The following ZNF704 variants were observed in gnomAD, a reference collection of about 807,000 sequenced individuals.
ZNF704 encodes zinc finger protein 704, also known as glucocorticoid induced gene 1.
A neutral mutation model predicts 44.7 loss-of-function variants in ZNF704; 10 were observed. The observed-to-expected ratio is 0.22, with a 90% confidence interval of 0.14 to 0.38. The LOEUF is 0.38. ZNF704 is among the 10% of genes least tolerant of loss of function. The probability of loss-of-function intolerance (pLI) is 1.00; values close to 1 mark genes in which losing one functional copy is unlikely to be tolerated. For synonymous variants in ZNF704, 211 were observed against 207.6 expected (o/e 1.02, Z -0.14); for missense variants, 390 against 545.5 (o/e 0.71, Z 2.84).
intron 5 of ZNF704, among the ~76,000 whole-genome samples, chr8:80,669,951 A>C (rs1818254081): frequency 6.6e-6 from 1 of 152,276 alleles, no homozygotes; most frequent in Non-Finnish European, 1.5e-5. Context: ...AGCAACAGAA[A>C]GTGATTTCGT....
intron 2 of ZNF704, among the ~76,000 whole-genome samples, chr8:80,767,256 T>C (rs973006535): frequency 6.6e-6 from 1 of 152,162 alleles, no homozygotes; most frequent in African/African-American, 2.4e-5. Context: ...CTTGGTTAAT[T>C]AATAAATATC....
At chr8:80,828,666 G>C (rs919410778) in intron 1 of ZNF704, among the ~76,000 whole-genome samples, 4 of 152,168 alleles carry the variant, frequency 2.6e-5, no homozygotes, top group Non-Finnish European at 5.9e-5. Context: ...AATAGATTTA[G>C]ATTTATAGAA....
chr8:80,775,067 A>T (rs1427992312), intron 2 of ZNF704, among the ~76,000 whole-genome samples: 1 of 152,170 alleles, frequency 6.6e-6, no homozygotes, highest in East Asian at 1.9e-4. Flanking sequence ...AGAAAAAACT[A>T]TGTCTACTCG....
intron 2 of ZNF704, among the ~76,000 whole-genome samples, chr8:80,807,598 C>T (rs1224390804): frequency 6.6e-6 from 1 of 151,836 alleles, no homozygotes; most frequent in Non-Finnish European, 1.5e-5. Context: ...TATATGCGCT[C>T]GTTTAGCTTA....
chr8:80,863,651 A>G (rs1809106492), intron 1 of ZNF704, among the ~76,000 whole-genome samples: 1 of 152,224 alleles, frequency 6.6e-6, no homozygotes, highest in South Asian at 2.1e-4. Flanking sequence ...AGGGCCTTCT[A>G]TTAGTTACAA....
chr8:80,691,574 T>C (rs981595752), intron 3 of ZNF704, among the ~76,000 whole-genome samples: 3 of 152,174 alleles, frequency 2.0e-5, no homozygotes, highest in South Asian at 2.1e-4. Context: ...GATGGTGAGC[T>C]TCACTGCTTC....
chr8:80,777,399 C>T (rs903835421), intron 2 of ZNF704, among the ~76,000 whole-genome samples: 2 of 152,162 alleles, frequency 1.3e-5, no homozygotes, highest in East Asian at 3.9e-4. Context: ...AGTCTCTCCC[C>T]TGCTTGTTGT....
At chr8:80,816,999 T>C (rs917086065) in intron 2 of ZNF704, among the ~76,000 whole-genome samples, 1 of 152,206 alleles carries the variant, frequency 6.6e-6, no homozygotes, top group Non-Finnish European at 1.5e-5. Flanking sequence ...GTTTGTATTC[T>C]GTCCTCTCAT....
intron 2 of ZNF704, among the ~76,000 whole-genome samples, chr8:80,707,736 C>G (rs187605977): frequency 6.6e-6 from 1 of 152,216 alleles, no homozygotes; most frequent in East Asian, 1.9e-4. Flanking sequence ...AATCAATGAG[C>G]CAGACAATGG....
chr8:80,772,530 T>C (rs1257008064), intron 2 of ZNF704, among the ~76,000 whole-genome samples: 1 of 151,852 alleles, frequency 6.6e-6, no homozygotes, highest in East Asian at 1.9e-4. Context: ...AGAGGAGAGG[T>C]GTTACACGCT....
chr8:80,868,311 T>C (rs1381257463), intron 1 of ZNF704, among the ~76,000 whole-genome samples: 1 of 152,216 alleles, frequency 6.6e-6, no homozygotes. Flanking sequence ...AACCATGTAA[T>C]ACAAAGTTTC....
chr8:80,847,392 C>A (rs1808785033), intron 1 of ZNF704, among the ~76,000 whole-genome samples: 1 of 152,000 alleles, frequency 6.6e-6, no homozygotes, highest in Non-Finnish European at 1.5e-5. Context: ...GTAAAAATGT[C>A]AATTCTCCTA....
At chr8:80,705,398 G>A (rs1310867108) in intron 2 of ZNF704, among the ~76,000 whole-genome samples, 1 of 150,852 alleles carries the variant, frequency 6.6e-6, no homozygotes. Context: ...TTGGTCCTTT[G>A]TGTATGTGTG....
At chr8:80,716,823 C>T (rs78148187) in intron 2 of ZNF704, among the ~76,000 whole-genome samples, 2,695 of 152,294 alleles carry the variant, frequency 0.018, 77 homozygotes, top group African/African-American at 0.062. Flanking sequence ...TCAGTTTTAA[C>T]CTACTGAAGG....
At chr8:80,879,220 A>G (rs559205971), upstream of ZNF704, among the ~76,000 whole-genome samples, 1 of 146,180 alleles carries the variant, frequency 6.8e-6, no homozygotes, top group African/African-American at 2.5e-5. Flanking sequence ...TCTAGTGTGT[A>G]TGTTAAGAAA....
intron 7 of ZNF704, 82 bp downstream of exon 7, chr8:80,659,503 T>C: frequency 9.3e-7 from 1 of 1,080,748 alleles, no homozygotes; most frequent in Non-Finnish European, 1.4e-6. Flanking sequence ...GTATTTTTCT[T>C]GCATGCCTCT....
intron 4 of ZNF704, among the ~76,000 whole-genome samples, chr8:80,676,774 T>C (rs1208517427): frequency 6.6e-6 from 1 of 152,212 alleles, no homozygotes; most frequent in African/African-American, 2.4e-5. Context: ...GGGATGAAAC[T>C]GTTCCATCAG....
At chr8:80,836,109 G>C (rs1184009930) in intron 1 of ZNF704, among the ~76,000 whole-genome samples, 1 of 152,092 alleles carries the variant, frequency 6.6e-6, no homozygotes, top group Non-Finnish European at 1.5e-5. Context: ...CCCCTCCTTG[G>C]CTGAGAACCC....
chr8:80,723,781 C>G (rs143969390), intron 2 of ZNF704, among the ~76,000 whole-genome samples: 2 of 152,274 alleles, frequency 1.3e-5, no homozygotes, highest in African/African-American at 4.8e-5. Flanking sequence ...GATTCATGAG[C>G]AAAAAGTTTG....
Sources: allele counts gnomAD v4.1 joint callset (sites outside exome capture counted in the v4.1 genomes callset), GRCh38; gene constraint gnomAD v4.1.1; transcripts MANE v1.5; gene names NCBI Gene and HGNC (gene_info 2026-07-23, HGNC 2026-07-21).